Variants in LIMCH1 observed in about 807,000 individuals in gnomAD.
LIMCH1 encodes the protein LIM and calponin homology domains-containing protein 1.
A neutral mutation model predicts 176.5 loss-of-function variants in LIMCH1; 113 were observed. That is an observed-to-expected ratio of 0.64 (90% CI 0.55 to 0.75). The LOEUF (loss-of-function observed/expected upper bound fraction) is 0.75. LIMCH1 is among the 30% of genes least tolerant of loss of function. LIMCH1 has a pLI of 0.00. For missense variants in LIMCH1, 1,674 were observed against 1,814.9 expected (o/e 0.92, Z 1.41); for synonymous variants, 619 against 645.9 (o/e 0.96, Z 0.63).
intron 2 of LIMCH1, among the ~76,000 whole-genome samples, chr4:41,498,380 A>G (rs899643412): frequency 6.6e-6 from 1 of 152,238 alleles, no homozygotes; most frequent in Non-Finnish European, 1.5e-5. Context: ...ACATAAATGT[A>G]TAACTTAGAG....
chr4:41,645,951 C>G (rs2152927362), intron 15 of LIMCH1, among the ~76,000 whole-genome samples, 172 bp from the exon 16 acceptor site: 1 of 152,392 alleles, frequency 6.6e-6, no homozygotes, highest in East Asian at 1.9e-4. Context: ...GCCTTTGAGG[C>G]ATTCCAGTTC....
chr4:41,367,094 C>T (rs1409090476), intron 1 of LIMCH1, among the ~76,000 whole-genome samples: 1 of 152,160 alleles, frequency 6.6e-6, no homozygotes, highest in East Asian at 1.9e-4. Flanking sequence ...ATGAGAACAG[C>T]ATGGGGTAAC....
In LIMCH1 at chr4:41,490,463, T is replaced by A. The variant is rs1278529400; in HGVS notation, c.97-4073T>A. ...GTTTGTGTCCCTGGGTGCTTGAGGTTAGGGAGTGGTGATGACTCTTAAGGA... is the reference window on the plus strand; with the variant it reads ...GTTTGTGTCCCTGGGTGCTTGAGGTAAGGGAGTGGTGATGACTCTTAAGGA... On this transcript the variant is annotated intron_variant, in intron 1 of 26. Transcript: ENST00000313860. Among the ~76,000 whole-genome samples, 3 of 152,212 alleles carry A rather than the reference T, an allele frequency of 2.0e-5. No individual in the cohort carries two copies. The East Asian group carries it at 5.8e-4, about 29-fold the overall frequency.
intron 1 of LIMCH1, among the ~76,000 whole-genome samples, chr4:41,583,577 G>A (rs868736369): frequency 1.3e-5 from 2 of 152,076 alleles, no homozygotes. Context: ...ATTCCTTGAC[G>A]ATGAAATGTG....
At position 41,609,234 on chromosome 4, in the gene LIMCH1, C is replaced by T. The variant is rs556784679; in HGVS notation, c.9+3230C>T. On this transcript the variant is annotated intron_variant, in intron 4 of 31. Coordinates refer to ENST00000503057, the MANE Select transcript of LIMCH1 (RefSeq NM_001330672.2). The stretch of plus-strand genomic sequence containing the variant: ...CATCTCAATTTCTAGTCCCTCAACC[C>T]ACCTTATGTTTTTTTTTTTTTTCAT... Among the ~76,000 whole-genome samples, 52 of 88,562 alleles carry T rather than the reference C, an allele frequency of 5.9e-4. No homozygotes were observed. In the East Asian group the frequency reaches 0.014, roughly 23 times the overall value. 58.1% of individuals were successfully genotyped at this position (88,562 alleles called of 152,430 possible). A position where few individuals can be genotyped will look rare whatever the true frequency, so the allele number is the denominator to read the frequency against.
intron 21 of LIMCH1, among the ~76,000 whole-genome samples, 160 bp from the exon 22 acceptor site, chr4:41,671,394 C>G (rs571617999): frequency 1.7e-4 from 17 of 98,034 alleles, no homozygotes; most frequent in African/African-American, 7.5e-4. Context: ...TCTTGACTTA[C>G]CAAACACACA....
intron 1 of LIMCH1, among the ~76,000 whole-genome samples, chr4:41,462,850 A>G (rs1353506801): frequency 6.6e-6 from 1 of 152,190 alleles, no homozygotes; most frequent in African/African-American, 2.4e-5. Context: ...TACCTCACTT[A>G]TAATTGTCTG....
In LIMCH1 at chr4:41,684,422, T is replaced by C; in HGVS notation, c.3871T>C (p.Ser1291Pro). Residue 1291 changes from serine (S) to proline (P), a missense_variant, in exon 27 of 32, where the codon TCT (serine) becomes CCT (proline). Physicochemically the swap from Ser to Pro is moderately conservative, Grantham distance 74. This residue lies in a region of LIMCH1 where 1,015 missense variants were observed against 1,102.5 expected (regional missense o/e 0.92). Coordinates refer to ENST00000503057, the MANE Select transcript of LIMCH1 (RefSeq NM_001330672.2). ...GSLTEGALAHSGNPVSKGVHE... is the reference protein window; with the variant it reads ...GSLTEGALAHPGNPVSKGVHE... ...CCTAACTGAAGGGGCCTTGGCTCAT[T>C]CTGGGAACCCTGTATCAAAAGGAGT... 6.2e-7 allele frequency: 1 copy of C among 1,613,776 alleles called. No individual in the cohort carries two copies. Among genetic ancestry groups the C allele is most frequent in the Non-Finnish European group, 8.5e-7 (1 of 1,179,810 alleles).
At chr4:41,682,197 C>T in intron 25 of LIMCH1, 136 bp from the exon 26 acceptor site, 1 of 552,672 alleles carries the variant, frequency 1.8e-6, no homozygotes, top group Non-Finnish European at 3.1e-6. Context: ...AGTTGCTATT[C>T]AGTTAATTTG....
intron 5 of LIMCH1, among the ~76,000 whole-genome samples, chr4:41,617,872 T>C (rs1337204293): frequency 1.3e-5 from 2 of 152,214 alleles, no homozygotes; most frequent in Non-Finnish European, 2.9e-5. Flanking sequence ...GTAGCCAGCA[T>C]TTATTAAGCA....
chr4:41,387,966 C>T (rs577158351), intron 1 of LIMCH1, among the ~76,000 whole-genome samples: 3 of 152,142 alleles, frequency 2.0e-5, no homozygotes, highest in Admixed American at 6.5e-5. Context: ...AAAAATTAGC[C>T]GGGTGTGGTG....
At chr4:41,452,731 A>G (rs2064042117) in intron 1 of LIMCH1, among the ~76,000 whole-genome samples, 3 of 152,188 alleles carry the variant, frequency 2.0e-5, no homozygotes, top group Admixed American at 2.0e-4. Flanking sequence ...TCACATGCCA[A>G]ATCTTCTGCA....
At chr4:41,681,126 A>G in intron 25 of LIMCH1, 67 bp downstream of exon 25, 4 of 912,034 alleles carry the variant, frequency 4.4e-6, no homozygotes, top group Non-Finnish European at 1.8e-6. Flanking sequence ...AAACCCCAAG[A>G]CCAAGGTTAC....
At chr4:41,474,695 G>T (rs1156553391) in intron 1 of LIMCH1, among the ~76,000 whole-genome samples, 1 of 152,202 alleles carries the variant, frequency 6.6e-6, no homozygotes, top group African/African-American at 2.4e-5. Context: ...TGAGGATCTG[G>T]AGAACGGGAA....
At chr4:41,549,775 T>G (rs1371240754) in intron 1 of LIMCH1, among the ~76,000 whole-genome samples, 1 of 152,132 alleles carries the variant, frequency 6.6e-6, no homozygotes, top group African/African-American at 2.4e-5. Context: ...TTGCTTTCTG[T>G]TCATTAAATT....
rs113801462 is a variant in LIMCH1 at position 41,407,729 on chromosome 4, C to T, written c.96+46793C>T. Among the ~76,000 whole-genome samples, 341 of 152,312 alleles carry T rather than the reference C, an allele frequency of 2.2e-3. 1 individual carries two copies. Among genetic ancestry groups the T allele is most frequent in the African/African-American group, 7.3e-3 (304 of 41,576 alleles). On this transcript the variant is annotated intron_variant, in intron 1 of 26. Coordinates refer to the LIMCH1 transcript ENST00000313860. ...ATCCCATAGCGACCACCTGCCCCTT[C>T]CTGCCTGCTTCTCATCATAGTATCC...
chr4:41,434,313 C>T (rs1224686713), intron 1 of LIMCH1, among the ~76,000 whole-genome samples: 3 of 152,198 alleles, frequency 2.0e-5, no homozygotes, highest in African/African-American at 7.2e-5. Context: ...ACATCAGCTA[C>T]AGATGTCCAT....
intron 1 of LIMCH1, among the ~76,000 whole-genome samples, chr4:41,463,357 A>G (rs987971606): frequency 2.0e-5 from 3 of 152,034 alleles, no homozygotes; most frequent in Admixed American, 2.0e-4. Context: ...TAGGGCTCAG[A>G]ACAGAAAAAA....
chr4:41,538,032 A>C (rs777511604), upstream of LIMCH1: 3 of 323,954 alleles, frequency 9.3e-6, no homozygotes, highest in Non-Finnish European at 1.3e-5. Flanking sequence ...TCTCTGCACA[A>C]TTCCAATCCT....
Sources: allele counts gnomAD v4.1 joint callset (sites outside exome capture counted in the v4.1 genomes callset), GRCh38; gene constraint gnomAD v4.1.1; regional missense constraint gnomAD v4.1.1; transcripts MANE v1.5; gene names NCBI Gene and HGNC (gene_info 2026-07-23, HGNC 2026-07-21).